SCHIP1: variants seen among roughly 807,000 people sequenced by gnomAD.
The protein encoded by SCHIP1 is schwannomin-interacting protein 1.
In SCHIP1, 8 loss-of-function variants were observed where a neutral mutation model predicts 29.7. The ratio of observed to expected loss-of-function variants is 0.27; its 90% CI spans 0.16 to 0.49. SCHIP1 has a LOEUF of 0.49. Among genes scored for constraint, SCHIP1 ranks in the 20% least tolerant of loss-of-function variants. SCHIP1 has a pLI of 0.99. For missense variants in SCHIP1, 193 were observed against 294.6 expected, an observed-to-expected ratio of 0.66 and a Z score of 2.52; for synonymous variants, 76 against 94.9, an observed-to-expected ratio of 0.80 and a Z score of 1.16.
the SCHIP1 span, among the ~76,000 whole-genome samples, chr3:159,446,742 G>A: frequency 9.2e-5 from 14 of 152,236 alleles, no homozygotes; most frequent in South Asian, 2.5e-3. Context: ...CTGTCAACTG[G>A]GAACCTGCCC....
intron 2 of SCHIP1, among the ~76,000 whole-genome samples, chr3:159,870,965 A>G (rs1715194007): frequency 6.6e-6 from 1 of 152,060 alleles, no homozygotes; most frequent in African/African-American, 2.4e-5. Flanking sequence ...TCCATTTCTT[A>G]AGTGGTTATA....
chr3:159,607,457 G>C, the SCHIP1 span, among the ~76,000 whole-genome samples: 1 of 152,156 alleles, frequency 6.6e-6, no homozygotes, highest in Admixed American at 6.5e-5. Flanking sequence ...GAGGGATAAA[G>C]AAGACATTCA....
the SCHIP1 span, among the ~76,000 whole-genome samples, chr3:159,438,763 A>G: frequency 1.3e-5 from 2 of 152,104 alleles, no homozygotes; most frequent in Admixed American, 1.3e-4. Flanking sequence ...TTCCTGCATT[A>G]GTTTGCTAAG....
chr3:159,532,652 T>C, the SCHIP1 span, among the ~76,000 whole-genome samples: 1 of 152,176 alleles, frequency 6.6e-6, no homozygotes, highest in Non-Finnish European at 1.5e-5. Context: ...AAAATAATAC[T>C]CTAGGCTTTC....
chr3:159,803,046 C>T, the SCHIP1 span, among the ~76,000 whole-genome samples: 19 of 152,264 alleles, frequency 1.2e-4, no homozygotes, highest in African/African-American at 1.7e-4. Context: ...AGAAGTCACA[C>T]GTGACACCTC....
chr3:159,850,918 A>C (rs1281545622), intron 1 of SCHIP1, among the ~76,000 whole-genome samples: 1 of 152,200 alleles, frequency 6.6e-6, no homozygotes, highest in East Asian at 1.9e-4. Flanking sequence ...TGGTGGGGAC[A>C]CAGATCCAAA....
chr3:159,683,576 C>T, the SCHIP1 span, among the ~76,000 whole-genome samples: 359 of 152,220 alleles, frequency 2.4e-3, no homozygotes, highest in Middle Eastern at 3.4e-3. Flanking sequence ...AAAGGCCTTC[C>T]CTCTGTCTTT....
the SCHIP1 span, among the ~76,000 whole-genome samples, chr3:159,548,401 T>C: frequency 6.6e-6 from 1 of 151,982 alleles, no homozygotes; most frequent in East Asian, 1.9e-4. Context: ...TAACATCAGC[T>C]CATTCTTTTT....
the SCHIP1 span, among the ~76,000 whole-genome samples, chr3:159,572,009 TTC>T: frequency 2.0e-5 from 3 of 152,328 alleles, no homozygotes; most frequent in Admixed American, 6.5e-5. Context: ...TATTTGATTC[TTC>T]TCTCTTTTCT....
chr3:159,824,278 C>T, the SCHIP1 span, among the ~76,000 whole-genome samples: 3 of 152,114 alleles, frequency 2.0e-5, no homozygotes, highest in Non-Finnish European at 4.4e-5. Context: ...CATTTCTTAC[C>T]TGGATGTAGA....
the SCHIP1 span, among the ~76,000 whole-genome samples, chr3:159,521,149 A>G: frequency 1.3e-5 from 2 of 152,216 alleles, no homozygotes; most frequent in African/African-American, 2.4e-5. Flanking sequence ...TTTTCAGTCC[A>G]TAATGCTGAG....
At chr3:159,475,226 G>A in the SCHIP1 span, among the ~76,000 whole-genome samples, 1 of 152,140 alleles carries the variant, frequency 6.6e-6, no homozygotes, top group Non-Finnish European at 1.5e-5. Context: ...CTCATACAAT[G>A]AAATATCATT....
At chr3:159,416,566 T>C in the SCHIP1 span, among the ~76,000 whole-genome samples, 1 of 152,234 alleles carries the variant, frequency 6.6e-6, no homozygotes. Flanking sequence ...TTTATTCTAC[T>C]GGAAGGAAAT....
At chr3:159,317,576 T>C in the SCHIP1 span, among the ~76,000 whole-genome samples, 2 of 152,186 alleles carry the variant, frequency 1.3e-5, no homozygotes, top group Admixed American at 6.5e-5. Flanking sequence ...GCCCCAGCCC[T>C]GCAAAGTATT....
At chr3:159,764,223 G>C in the SCHIP1 span, 16 of 504,954 alleles carry the variant, frequency 3.2e-5, no homozygotes, top group Admixed American at 1.4e-4. The surrounding 1 kb of genome is among the most constrained non-coding windows in gnomAD (Gnocchi z 6.1). Flanking sequence ...GCTAATTTGA[G>C]GGTTAGTTAC....
In SCHIP1 at chr3:159,856,815, G is replaced by A. The variant is rs576169025; in HGVS notation, c.31-9348G>A. Among the ~76,000 whole-genome samples the A allele has an allele frequency of 2.0e-5, 3 of 152,256 alleles. No individual in the cohort carries two copies. The South Asian group carries it at 6.2e-4, about 32-fold the overall frequency. On this transcript the variant is annotated intron_variant, in intron 1 of 6. Transcript: ENST00000445224. ...AAGTGAAGCCACAGCTGCGCCTCAT[G>A]TTTTTTTTAAAAGGTGAATGGAAAT...
chr3:159,840,041 G>A (rs1248002501), exon 1 of SCHIP1: 1 of 1,476,920 alleles, frequency 6.8e-7, no homozygotes. Flanking sequence ...AGGTTGATCA[G>A]CGAAACAGCA....
chr3:159,390,975 G>A, the SCHIP1 span, among the ~76,000 whole-genome samples: 2 of 152,120 alleles, frequency 1.3e-5, no homozygotes, highest in Non-Finnish European at 2.9e-5. Flanking sequence ...CCTATAAAAT[G>A]CTGAAATCAT....
the SCHIP1 span, among the ~76,000 whole-genome samples, chr3:159,663,172 T>C: frequency 2.0e-5 from 3 of 152,216 alleles, no homozygotes; most frequent in African/African-American, 7.2e-5. Context: ...CATGTATAGC[T>C]CAGGACCTAA....
Sources: allele counts gnomAD v4.1 joint callset (sites outside exome capture counted in the v4.1 genomes callset), GRCh38; gene constraint gnomAD v4.1.1; non-coding constraint Gnocchi (gnomAD v3.1); transcripts MANE v1.5; gene names NCBI Gene and HGNC (gene_info 2026-07-23, HGNC 2026-07-21).